The following ABCB9 variants were observed in gnomAD, a reference collection of about 807,000 sequenced individuals.
ABCB9 encodes ABC-type oligopeptide transporter ABCB9.
In ABCB9, 36 loss-of-function variants were observed where a neutral mutation model predicts 62.0. The observed-to-expected ratio is 0.58, with a 90% confidence interval of 0.45 to 0.77. The LOEUF (loss-of-function observed/expected upper bound fraction) is 0.77. ABCB9 is among the 30% of genes least tolerant of loss of function. The pLI is 0.00. For missense variants in ABCB9, 943 were observed against 1,054.7 expected (o/e 0.89, Z 1.47); for synonymous variants, 435 against 461.4 (o/e 0.94, Z 0.73).
At position 122,948,632 on chromosome 12, in the gene ABCB9, A is replaced by C; in HGVS notation, c.1045T>G (p.Tyr349Asp). ...AGACAGGGCAGGCCTACCTTGTAGT[A>C]CTTGCCGTAGATGTTGGACACCATC... ...IMMVSNIYGK[Y>D]YKRLSKEVQN... Residue 349 changes from tyrosine (Y) to aspartate (D), a missense_variant, in exon 5 of 12, where the codon TAC becomes GAC. Tyr to Asp is a radical substitution (Grantham distance 160). Coordinates refer to ENST00000280560, the MANE Select transcript of ABCB9 (RefSeq NM_019625.4). The C allele has an allele frequency of 2.5e-6, 4 of 1,612,038 alleles. No individual in the cohort carries two copies. The highest frequency in any genetic ancestry group is 3.4e-6 in the Non-Finnish European group (4 of 1,178,896).
chr12:122,938,513 C>T (rs1253245586), intron 9 of ABCB9, among the ~76,000 whole-genome samples: 1 of 151,924 alleles, frequency 6.6e-6, no homozygotes, highest in East Asian at 1.9e-4. Context: ...GCCTGGGCAA[C>T]AGAGGGAGAC....
intron 1 of ABCB9, among the ~76,000 whole-genome samples, chr12:122,971,526 C>T (rs1212598120): frequency 6.6e-6 from 1 of 152,090 alleles, no homozygotes; most frequent in African/African-American, 2.4e-5. Flanking sequence ...ATGACCTCTG[C>T]CCATGCAACC....
At chr12:122,948,570 A>C (rs1436279265) in intron 5 of ABCB9, 54 bp downstream of exon 5, 9 of 1,509,696 alleles carry the variant, frequency 6.0e-6, no homozygotes, top group Non-Finnish European at 8.0e-6. Flanking sequence ...TCCTAAGGGG[A>C]TGTTTGGGGG....
chr12:122,923,356 C>CAG (rs879773347), intron 11 of ABCB9, among the ~76,000 whole-genome samples: 2 of 152,182 alleles, frequency 1.3e-5, no homozygotes, highest in Admixed American at 6.5e-5. Context: ...GGCGCGACCT[C>CAG]CACGCACTGC....
At position 122,964,291 on chromosome 12, in the gene ABCB9, C is replaced by G. The variant is rs2037059544; in HGVS notation, c.-88+1996G>C. On this transcript the variant is annotated intron_variant, in intron 1 of 11. Transcript: ENST00000280560. This position sits in a 1 kb window ranked among gnomAD's most constrained non-coding sequence, Gnocchi z 4.7. The stretch of plus-strand genomic sequence containing the variant: ...CCCATCCCCCAACAGCCCAGGGTAC[C>G]AGTCATGCCCCCCGCCTCCAGAAGC... Among the ~76,000 whole-genome samples, 1 of 152,200 alleles carries G rather than the reference C, an allele frequency of 6.6e-6. No homozygotes were observed. The highest frequency in any genetic ancestry group is 1.5e-5 in the Non-Finnish European group (1 of 68,030).
At chr12:122,941,595 C>G (rs1337943613) in intron 7 of ABCB9, among the ~76,000 whole-genome samples, 1 of 152,088 alleles carries the variant, frequency 6.6e-6, no homozygotes, top group Non-Finnish European at 1.5e-5. Flanking sequence ...AGGCATGAGT[C>G]ACCAGACATG....
Position 122,964,556 on chromosome 12 carries a change from C to T in ABCB9, c.-88+1731G>A, listed in dbSNP as rs1256265782. Among the ~76,000 whole-genome samples the T allele has an allele frequency of 2.6e-5, 4 of 152,214 alleles. No homozygotes were observed. Among genetic ancestry groups the T allele is most frequent in the Non-Finnish European group, 5.9e-5 (4 of 68,044 alleles). ...CAGCCCCGGGTCGGGTTACAGTCCT[C>T]GGTGGGGACAGTTACTCCGTTATTT... is the stretch of plus-strand genomic sequence containing the variant. On this transcript the variant is annotated intron_variant, in intron 1 of 11. Coordinates refer to ENST00000280560, the MANE Select transcript of ABCB9 (RefSeq NM_019625.4). The surrounding 1 kb of genome is among the most constrained non-coding windows in gnomAD (Gnocchi z 4.7).
intron 1 of ABCB9, among the ~76,000 whole-genome samples, chr12:122,973,395 T>C (rs545542713): frequency 6.9e-6 from 1 of 145,738 alleles, no homozygotes; most frequent in African/African-American, 2.6e-5. Flanking sequence ...AAACCCCGTC[T>C]CTACTAAAAA....
downstream of ABCB9, among the ~76,000 whole-genome samples, chr12:122,920,362 G>GAAAA (rs74263734): frequency 1.4e-3 from 144 of 103,336 alleles, no homozygotes; most frequent in African/African-American, 4.6e-3. Flanking sequence ...AACTGCAAAG[G>GAAAA]AAAAAAAAAA....
chr12:122,944,320 CACCCTGTTAAGAT>C lies in ABCB9; in HGVS notation c.1380+58_1380+70del. ...GTCAGAGTCCCTGGAGCCCCGCCCC[CACCCTGTTAAGAT>C]CCCTCTTCCCCAAACTCCTCCCTTC... On this transcript the variant is annotated intron_variant, in intron 7 of 11. Transcript: ENST00000280560. This position sits in a 1 kb window ranked among gnomAD's most constrained non-coding sequence, Gnocchi z 4.9. 1 of 1,475,718 alleles carries C rather than the reference CACCCTGTTAAGAT, an allele frequency of 6.8e-7. No individual in the cohort carries two copies. The highest frequency in any genetic ancestry group is 1.4e-5 in the African/African-American group (1 of 71,948). The allele number at this position is 1,475,718 out of a possible 1,614,324, so 91.4% of individuals were successfully genotyped here.
At chr12:122,938,954 C>G (rs1335388257) in intron 9 of ABCB9, among the ~76,000 whole-genome samples, 1 of 152,072 alleles carries the variant, frequency 6.6e-6, no homozygotes, top group African/African-American at 2.4e-5. Context: ...GGCTGATCAC[C>G]TGAGGTCAAG....
chr12:122,920,920 A>T (rs1027142440), downstream of ABCB9: 1 of 1,227,740 alleles, frequency 8.1e-7, no homozygotes, highest in African/African-American at 1.5e-5. Context: ...TCTTAAAAAA[A>T]AAATCACATA....
chr12:122,970,356 T>C (rs377275239), upstream of ABCB9, among the ~76,000 whole-genome samples: 5 of 152,272 alleles, frequency 3.3e-5, no homozygotes, highest in East Asian at 9.7e-4. Context: ...CCAGTGACTC[T>C]CCTGCCTCAG....
chr12:122,939,498 G>C (rs1027827448), intron 9 of ABCB9: 1 of 152,678 alleles, frequency 6.5e-6, no homozygotes, highest in African/African-American at 2.4e-5. Context: ...GACACATGGC[G>C]GGGGGTAGGA....
At chr12:122,928,381 A>G (rs1418718683), downstream of ABCB9, among the ~76,000 whole-genome samples, 2 of 151,764 alleles carry the variant, frequency 1.3e-5, no homozygotes, top group East Asian at 3.9e-4. Flanking sequence ...AGGCAGGAGA[A>G]TCGCTTGAAC....
In ABCB9 at chr12:122,930,654, T is replaced by C. The variant is rs2035107792; in HGVS notation, c.2041-483A>G. 1.3e-5 allele frequency among the ~76,000 whole-genome samples: 2 copies of C among 152,002 alleles called. No homozygotes were observed. Among genetic ancestry groups the C allele is most frequent in the African/African-American group, 4.8e-5 (2 of 41,374 alleles). On this transcript the variant is annotated intron_variant, in intron 11 of 11. Transcript: ENST00000280560. This position sits in a 1 kb window ranked among gnomAD's most constrained non-coding sequence, Gnocchi z 4.9. The stretch of plus-strand genomic sequence containing the variant: ...CGAACACCTGACTTTGTGATCCGCC[T>C]GGCCTCGGCCTCCCAAAGTGCTGGG...
chr12:122,950,660 G>T (rs996629153), intron 2 of ABCB9, 95 bp from the exon 3 acceptor site: 4 of 1,004,934 alleles, frequency 4.0e-6, no homozygotes, highest in Non-Finnish European at 5.9e-6. Flanking sequence ...CAACCCCTCT[G>T]CCCACTCCAC....
At chr12:122,974,225 T>C (rs918417376) in intron 1 of ABCB9, among the ~76,000 whole-genome samples, 2 of 152,020 alleles carry the variant, frequency 1.3e-5, no homozygotes, top group African/African-American at 4.8e-5. Context: ...TAATGAACAT[T>C]GATCTGGGGA....
chr12:122,973,744 C>T (rs992472766), intron 1 of ABCB9, among the ~76,000 whole-genome samples: 1 of 152,014 alleles, frequency 6.6e-6, no homozygotes, highest in Non-Finnish European at 1.5e-5. Flanking sequence ...GCCTGTAGTC[C>T]CAGCTACTCG....
Sources: gnomAD v4.1 joint callset for allele counts (sites outside exome capture counted in the v4.1 genomes callset) on GRCh38, gnomAD v4.1.1 for gene constraint, Gnocchi (gnomAD v3.1) non-coding constraint, MANE v1.5 for transcripts, NCBI Gene and HGNC (gene_info 2026-07-23, HGNC 2026-07-21) for gene names.